Variants in IL20RB observed in about 807,000 individuals in gnomAD.
The protein encoded by IL20RB is interleukin-20 receptor subunit beta.
In IL20RB, 21 loss-of-function variants were observed where a neutral mutation model predicts 33.3. The ratio of observed to expected loss-of-function variants is 0.63; its 90% CI spans 0.45 to 0.91. IL20RB has a LOEUF of 0.91. Ranked by LOEUF, IL20RB falls within the 40% of genes least tolerant of loss-of-function variation. The probability of loss-of-function intolerance (pLI) is 0.00; values close to 1 mark genes in which losing one functional copy is unlikely to be tolerated. For missense variants in IL20RB, 345 were observed against 384.8 expected (o/e 0.90, Z 0.86); for synonymous variants, 147 against 146.8 (o/e 1.00, Z -0.01).
At chr3:136,987,598 C>A (rs1941936325) in intron 3 of IL20RB, among the ~76,000 whole-genome samples, 1 of 152,232 alleles carries the variant, frequency 6.6e-6, no homozygotes, top group Non-Finnish European at 1.5e-5. Context: ...CACTCCTCAG[C>A]CCTTGGGTGG....
intron 4 of IL20RB, among the ~76,000 whole-genome samples, chr3:136,990,179 G>A (rs1226049769): frequency 6.6e-6 from 1 of 152,006 alleles, no homozygotes; most frequent in African/African-American, 2.4e-5. Context: ...AGCAGTATGA[G>A]GAGTGGAGCA....
In IL20RB at chr3:136,992,074, G is replaced by A; in HGVS notation, c.668G>A (p.Cys223Tyr). 1.2e-6 allele frequency: 2 copies of A among 1,614,158 alleles called. No homozygotes were observed. Among genetic ancestry groups the A allele is most frequent in the Non-Finnish European group, 1.7e-6 (2 of 1,180,002 alleles). The change falls in exon 5 of 7, where the codon TGT becomes TAT. Residue 223 changes from cysteine to tyrosine, a missense_variant. Coordinates refer to ENST00000329582, the MANE Select transcript of IL20RB (RefSeq NM_144717.4). Reference sequence around the variant, plus strand: ...TACAGCGCCTTCAGCCAGACAGAATGTGTGGAGGTGCAAGGTAAGGATGGC... The same window carrying A: ...TACAGCGCCTTCAGCCAGACAGAATATGTGGAGGTGCAAGGTAAGGATGGC... ...GRYSAFSQTE[C>Y]VEVQGEAIPL...
chr3:136,983,751 G>A (rs1941837679), intron 3 of IL20RB, among the ~76,000 whole-genome samples: 1 of 152,254 alleles, frequency 6.6e-6, no homozygotes, highest in Admixed American at 6.5e-5. Flanking sequence ...ATGTCATCTT[G>A]TGGATGTCTG....
At chr3:137,007,716 G>A (rs1932941430) in intron 6 of IL20RB, among the ~76,000 whole-genome samples, 1 of 152,208 alleles carries the variant, frequency 6.6e-6, no homozygotes. Context: ...GCTAGGAAAG[G>A]GAAATCCCCT....
chr3:136,988,312 G>C (rs1373931127), intron 3 of IL20RB, among the ~76,000 whole-genome samples: 1 of 152,138 alleles, frequency 6.6e-6, no homozygotes, highest in Non-Finnish European at 1.5e-5. Context: ...TATCTGTGTG[G>C]GCCCTTCTGT....
intron 1 of IL20RB, chr3:136,969,508 G>A (rs1257459306): frequency 7.1e-6 from 1 of 141,672 alleles, no homozygotes; most frequent in Non-Finnish European, 1.5e-5. Context: ...GGAACTCCCT[G>A]ACCCCTTGCG....
At chr3:136,987,318 A>T (rs1392156059) in intron 3 of IL20RB, among the ~76,000 whole-genome samples, 2 of 152,062 alleles carry the variant, frequency 1.3e-5, no homozygotes, top group East Asian at 3.9e-4. Context: ...ATAGACACAA[A>T]GGTTCTCCAA....
intron 6 of IL20RB, among the ~76,000 whole-genome samples, chr3:137,009,515 G>C (rs361233): frequency 0.6 from 91,072 of 151,960 alleles, 27,798 homozygotes; most frequent in East Asian, 0.9. Flanking sequence ...TCAGAGCTCT[G>C]TGGTGGAAGA....
At chr3:136,971,085 A>G (rs1186883196) in intron 1 of IL20RB, among the ~76,000 whole-genome samples, 1 of 152,158 alleles carries the variant, frequency 6.6e-6, no homozygotes, top group African/African-American at 2.4e-5. Context: ...ACTATAGATA[A>G]CCCTAGTCTG....
chr3:136,971,195 A>G (rs1941473237), intron 1 of IL20RB, among the ~76,000 whole-genome samples: 1 of 151,820 alleles, frequency 6.6e-6, no homozygotes, highest in Non-Finnish European at 1.5e-5. Context: ...CAATGGCGCC[A>G]TCTGGGCTCA....
intron 1 of IL20RB, among the ~76,000 whole-genome samples, chr3:136,973,927 A>G (rs755352876): frequency 6.6e-6 from 1 of 152,052 alleles, no homozygotes; most frequent in Non-Finnish European, 1.5e-5. Context: ...ATATTTTTCC[A>G]TCCCTTTTAG....
chr3:136,970,177 C>G (rs1030133785), intron 1 of IL20RB, among the ~76,000 whole-genome samples: 1 of 151,956 alleles, frequency 6.6e-6, no homozygotes, highest in Non-Finnish European at 1.5e-5. Flanking sequence ...ACTGCGGTCT[C>G]AACCTCCTGG....
At chr3:137,006,749 G>A (rs1942358287) in intron 6 of IL20RB, among the ~76,000 whole-genome samples, 3 of 152,140 alleles carry the variant, frequency 2.0e-5, no homozygotes, top group South Asian at 2.1e-4. Context: ...TGTTATTACC[G>A]ACCTTCTGAA....
intron 1 of IL20RB, among the ~76,000 whole-genome samples, chr3:136,975,027 T>C (rs771805112): frequency 4.3e-4 from 66 of 152,272 alleles, no homozygotes; most frequent in Admixed American, 1.4e-3. Context: ...CTGATTTCTT[T>C]TTATTGTTTT....
intron 1 of IL20RB, among the ~76,000 whole-genome samples, chr3:136,962,866 C>CA (rs34403415): frequency 0.04 from 4,489 of 112,990 alleles, 99 homozygotes; most frequent in Non-Finnish European, 0.06. Context: ...GGATTTTGGC[C>CA]AAAAAAAAAA....
intron 1 of IL20RB, among the ~76,000 whole-genome samples, chr3:136,969,664 G>T (rs1012060632): frequency 6.6e-6 from 1 of 151,900 alleles, no homozygotes; most frequent in Non-Finnish European, 1.5e-5. Flanking sequence ...CTTCTGCGTC[G>T]CTCACGCTGG....
chr3:136,967,119 A>G (rs1941372642), intron 1 of IL20RB, among the ~76,000 whole-genome samples: 1 of 129,272 alleles, frequency 7.7e-6, no homozygotes, highest in African/African-American at 3.0e-5. Flanking sequence ...ACTTCCAACT[A>G]TGTGGTCAAT....
At chr3:136,987,159 T>G (rs796794413) in intron 3 of IL20RB, among the ~76,000 whole-genome samples, 1 of 152,128 alleles carries the variant, frequency 6.6e-6, no homozygotes, top group Admixed American at 6.5e-5. Context: ...GGCAGCCTGC[T>G]TTTATTCTCT....
At chr3:136,984,613 A>C (rs1941857439) in intron 3 of IL20RB, among the ~76,000 whole-genome samples, 1 of 151,754 alleles carries the variant, frequency 6.6e-6, no homozygotes, top group Non-Finnish European at 1.5e-5. Context: ...GGAAATTAGG[A>C]AGGTTTAGAA....
Sources: gnomAD v4.1 joint callset for allele counts (sites outside exome capture counted in the v4.1 genomes callset) on GRCh38, gnomAD v4.1.1 for gene constraint, MANE v1.5 for transcripts, NCBI Gene and HGNC (gene_info 2026-07-23, HGNC 2026-07-21) for gene names.